Variants in TMPPE observed in about 807,000 individuals in gnomAD.
The protein encoded by TMPPE is transmembrane protein with metallophosphoesterase domain.
A neutral mutation model predicts 22.6 loss-of-function variants in TMPPE; 16 were observed. The ratio of observed to expected loss-of-function variants is 0.71; its 90% confidence interval spans 0.48 to 1.08. The LOEUF (loss-of-function observed/expected upper bound fraction) is 1.08. Ranked by LOEUF, TMPPE falls within the 50% of genes least tolerant of loss-of-function variation. The pLI, the probability that TMPPE is intolerant of heterozygous loss-of-function variation, is 0.00. For synonymous variants in TMPPE, 240 were observed against 245.3 expected, an observed-to-expected ratio of 0.98 and a Z score of 0.20; for missense variants, 526 against 584.3, an observed-to-expected ratio of 0.90 and a Z score of 1.03.
At chr3:33,096,593 G>A (rs1701039612) in intron 1 of TMPPE, 126 bp downstream of exon 1, 1 of 1,037,852 alleles carries the variant, frequency 9.6e-7, no homozygotes, top group Non-Finnish European at 1.2e-6. Flanking sequence ...TTCTCCTTCC[G>A]GAGCGCTCCG....
Position 33,092,015 on chromosome 3 carries a change from C to T in TMPPE, c.*819G>A. 3.0e-6 allele frequency: 3 copies of T among 984,856 alleles called. No individual in the cohort carries two copies. The highest frequency in any genetic ancestry group is 3.6e-6 in the Non-Finnish European group (3 of 829,436). 61.0% of individuals were successfully genotyped at this position (984,856 alleles called of 1,614,324 possible). On this transcript the variant is annotated 3_prime_UTR_variant, in exon 2 of 2. Coordinates refer to ENST00000342462, the MANE Select transcript of TMPPE (RefSeq NM_001039770.3). ...GCCCTATCTCTCTTTGCCTTGGTTT[C>T]CTTATCTCCAAATAGGGAAAAGCAG...
rs1472906018 is a variant in TMPPE at position 33,092,305 on chromosome 3, A to AT, written c.*528dup. 11 of 987,016 alleles carry AT rather than the reference A, an allele frequency of 1.1e-5. No homozygotes were observed. The East Asian group carries it at 1.1e-3, about 102-fold the overall frequency. 61.1% of individuals were successfully genotyped at this position (987,016 alleles called of 1,614,324 possible). ...CCTGATAGAATCAGAGGAAAAGAAAATATTCTTCTCTAGCAGCCAGAGGGC... is the reference window on the plus strand; with the variant it reads ...CCTGATAGAATCAGAGGAAAAGAAAATTATTCTTCTCTAGCAGCCAGAGGGC... On this transcript the variant is annotated 3_prime_UTR_variant, in exon 2 of 2. Transcript: ENST00000342462.
Position 33,093,245 on chromosome 3 carries a change from A to G in TMPPE, c.951T>C (p.Gly317=), listed in dbSNP as rs937514409. ...CATCCTCACTCCCACTGCCACTGCC[A>G]CCACCACCACGTTGGGCCCGTGTGG... ...ISATRAQRGG[G]GSGSGSEDED... The change falls in exon 2 of 2, where the codon GGT becomes GGC. Residue 317 remains glycine (G), a synonymous_variant. Transcript: ENST00000342462. This position sits in a 1 kb window ranked among gnomAD's most constrained non-coding sequence, Gnocchi z 6.0. 1.2e-6 allele frequency: 2 copies of G among 1,613,740 alleles called. No homozygotes were observed. The highest frequency in any genetic ancestry group is 2.7e-5 in the African/African-American group (2 of 74,934).
chr3:33,092,837 G>C lies in TMPPE; in HGVS notation c.1359C>G (p.Pro453=), dbSNP rs778988494. 3 of 1,597,986 alleles carry C rather than the reference G, an allele frequency of 1.9e-6. No homozygotes were observed. The highest frequency in any genetic ancestry group is 2.6e-6 in the Non-Finnish European group (3 of 1,170,912). ...EITELILQRS[P] is the part of the protein sequence containing the mutation. ...AGGTGCACAGGGCAGGGCCAGTTCA[G>C]GGAGACCGCTGCAGGATGAGCTCTG... Residue 453 remains proline, a synonymous_variant, in exon 2 of 2, where the codon CCC becomes CCG. Coordinates refer to ENST00000342462, the MANE Select transcript of TMPPE (RefSeq NM_001039770.3).
At position 33,091,749 on chromosome 3, in the gene TMPPE, A is replaced by G; in HGVS notation, c.*1085T>C. 2 of 985,432 alleles carry G rather than the reference A, an allele frequency of 2.0e-6. No homozygotes were observed. Among genetic ancestry groups the G allele is most frequent in the Non-Finnish European group, 1.2e-6 (1 of 829,948 alleles). The allele number at this position is 985,432 out of a possible 1,614,324, so 61.0% of individuals were successfully genotyped here. On this transcript the variant is annotated 3_prime_UTR_variant, in exon 2 of 2. Coordinates refer to ENST00000342462, the MANE Select transcript of TMPPE (RefSeq NM_001039770.3). ...CAGCAGGGTTAGCCTCTCCAGTCAG[A>G]GCGAGTGTCTTCACTCCCCATTGGA...
rs751963886 is a variant in TMPPE at position 33,093,779 on chromosome 3, C to T, written c.417G>A (p.Glu139=). ...LFFLFILSGM[E]QAYQLLAWRS... ...GCCAGGCCAAGAGCTGGTAGGCCTG[C>T]TCCATGCCGCTGAGGATGAAGAGGA... Residue 139 remains glutamate (E), a synonymous_variant, in exon 2 of 2, where the codon GAG becomes GAA. Transcript: ENST00000342462. The surrounding 1 kb of genome is among the most constrained non-coding windows in gnomAD (Gnocchi z 6.0). 6.2e-7 allele frequency: 1 copy of T among 1,613,312 alleles called. No homozygotes were observed. The highest frequency in any genetic ancestry group is 1.3e-5 in the African/African-American group (1 of 75,004).
intron 1 of TMPPE, 38 bp downstream of exon 1, chr3:33,096,681 C>T (rs1034818357): frequency 2.6e-6 from 3 of 1,153,872 alleles, no homozygotes; most frequent in African/African-American, 1.6e-5. Flanking sequence ...CTTGGAATCC[C>T]CTCCCGGAAA....
chr3:33,091,125 A>G lies in TMPPE; in HGVS notation c.*1709T>C. 1 of 985,454 alleles carries G rather than the reference A, an allele frequency of 1.0e-6. No individual in the cohort carries two copies. Among genetic ancestry groups the G allele is most frequent in the Non-Finnish European group, 1.2e-6 (1 of 829,942 alleles). The allele number at this position is 985,454 out of a possible 1,614,324, so 61.0% of individuals were successfully genotyped here. ...AAGCGAGAACTTAAAGGGAGTAAGG[A>G]TGATTCACAAAATGCGGTCGGGACA... On this transcript the variant is annotated 3_prime_UTR_variant, in exon 2 of 2. Coordinates refer to ENST00000342462, the MANE Select transcript of TMPPE (RefSeq NM_001039770.3).
Position 33,096,715 on chromosome 3 carries a change from G to T in TMPPE, c.-109+4C>A, listed in dbSNP as rs1701045920. On this transcript the variant is annotated splice_donor_region_variant and intron_variant, in intron 1 of 1. Coordinates refer to ENST00000342462, the MANE Select transcript of TMPPE (RefSeq NM_001039770.3). ...AAGCCAACTTAGGAAATGTTTACAC[G>T]CACCTCGTCTCAACACCTCGTTACA... 8.1e-7 allele frequency: 1 copy of T among 1,230,566 alleles called. No homozygotes were observed. The highest frequency in any genetic ancestry group is 1.0e-6 in the Non-Finnish European group (1 of 985,054). The allele number at this position is 1,230,566 out of a possible 1,614,324, so 76.2% of individuals were successfully genotyped here. A position where few individuals can be genotyped will look rare whatever the true frequency, so the allele number is the denominator to read the frequency against.
Position 33,091,013 on chromosome 3 carries a change from T to C in TMPPE, c.*1821A>G. On this transcript the variant is annotated 3_prime_UTR_variant, in exon 2 of 2. Transcript: ENST00000342462. Reference sequence around the variant, plus strand: ...ATGTAAAATCAAGAAACCAGTGAAATAACACGTAACAGGTGAGTCAAACAT... The same window carrying C: ...ATGTAAAATCAAGAAACCAGTGAAACAACACGTAACAGGTGAGTCAAACAT... The C allele has an allele frequency of 1.0e-6, 1 of 985,120 alleles. No individual in the cohort carries two copies. Among genetic ancestry groups the C allele is most frequent in the Non-Finnish European group, 1.2e-6 (1 of 829,852 alleles). The allele number at this position is 985,120 out of a possible 1,614,324, so 61.0% of individuals were successfully genotyped here. A position where few individuals can be genotyped will look rare whatever the true frequency, so the allele number is the denominator to read the frequency against.
Position 33,092,793 on chromosome 3 carries a change from G to A in TMPPE, c.*41C>T, listed in dbSNP as rs751284222. 39 of 1,543,428 alleles carry A rather than the reference G, an allele frequency of 2.5e-5. No homozygotes were observed. The East Asian group carries it at 4.1e-4, about 16-fold the overall frequency. On this transcript the variant is annotated 3_prime_UTR_variant, in exon 2 of 2. Coordinates refer to ENST00000342462, the MANE Select transcript of TMPPE (RefSeq NM_001039770.3). ...CCACTCTGAAGCAGGATGGAGGGTCGAGGACAAGGGCAGGGCAGAGGTGCA... is the reference window on the plus strand; with the variant it reads ...CCACTCTGAAGCAGGATGGAGGGTCAAGGACAAGGGCAGGGCAGAGGTGCA...
chr3:33,095,825 C>T (rs1042128706), intron 1 of TMPPE, among the ~76,000 whole-genome samples: 1 of 152,222 alleles, frequency 6.6e-6, no homozygotes, highest in Non-Finnish European at 1.5e-5. Context: ...GTTCTCACAG[C>T]TGGCTAGCTC....
At chr3:33,094,971 G>A (rs919425701) in intron 1 of TMPPE, among the ~76,000 whole-genome samples, 5 of 152,208 alleles carry the variant, frequency 3.3e-5, no homozygotes, top group Admixed American at 3.3e-4. Flanking sequence ...AGCACTTTGG[G>A]AGGCCGAGGC....
rs758238512 is a variant in TMPPE, at chr3:33,097,000, C to G, written c.-390G>C. On this transcript the variant is annotated 5_prime_UTR_variant, in exon 1 of 2. Coordinates refer to ENST00000342462, the MANE Select transcript of TMPPE (RefSeq NM_001039770.3). ...GCAATGCCTCCCCGTACCCGGGTCC[C>G]GCAGACTTACGCGCAAGCCGCGCGT... 6.2e-7 allele frequency: 1 copy of G among 1,610,980 alleles called. No individual in the cohort carries two copies.
In TMPPE at chr3:33,092,900, G is replaced by A. The variant is rs61740026; in HGVS notation, c.1296C>T (p.Tyr432=). 2,222 of 1,614,102 alleles carry A rather than the reference G, an allele frequency of 1.4e-3. 38 individuals carry two copies. In the African/African-American group the frequency reaches 0.025, roughly 18 times the overall value. ...TGCTACCCAGCCTCATGGGTATCCC[G>A]TAGTAGGCTGTGCCTGGGCTGACAT... The part of the protein sequence containing the change: ...FVYVSPGTAY[Y]GIPMRLGSRA... The change falls in exon 2 of 2, where the codon TAC becomes TAT. Residue 432 remains tyrosine (Y), a synonymous_variant. Transcript: ENST00000342462.
Position 33,092,098 on chromosome 3 carries a change from C to T in TMPPE, c.*736G>A. 1.0e-6 allele frequency: 1 copy of T among 985,452 alleles called. No homozygotes were observed. The highest frequency in any genetic ancestry group is 1.2e-6 in the Non-Finnish European group (1 of 829,980). The allele number at this position is 985,452 out of a possible 1,614,324, so 61.0% of individuals were successfully genotyped here. ...TAAAATGAGACAAGGGAGGCAAAGC[C>T]CTCTGAATTCCTAAGCAGCCATGTT... On this transcript the variant is annotated 3_prime_UTR_variant, in exon 2 of 2. Transcript: ENST00000342462.
chr3:33,097,064 T>A lies in TMPPE; in HGVS notation c.-454A>T. On this transcript the variant is annotated 5_prime_UTR_variant, in exon 1 of 2. Transcript: ENST00000342462. ...AGCAGAACCAGCAACAGAGGGAGGA[T>A]GCGAACCAGGAACCCCGGCATGACC... 6.2e-7 allele frequency: 1 copy of A among 1,612,574 alleles called. No individual in the cohort carries two copies. Among genetic ancestry groups the A allele is most frequent in the South Asian group, 1.1e-5 (1 of 90,942 alleles).
Position 33,093,955 on chromosome 3 carries a change from A to G in TMPPE, c.241T>C (p.Cys81Arg), listed in dbSNP as rs1411137083. The change falls in exon 2 of 2, where the codon TGT becomes CGT. Residue 81 changes from cysteine (C) to arginine (R), a missense_variant. By Grantham distance (180) the Cys-to-Arg change is radical (BLOSUM62 -3). Coordinates refer to ENST00000342462, the MANE Select transcript of TMPPE (RefSeq NM_001039770.3). This position sits in a 1 kb window ranked among gnomAD's most constrained non-coding sequence, Gnocchi z 6.0. The part of the protein sequence containing the change: ...LCHSPAAEST[C>R]FQLWKVVVLA... ...ACCACCACCTTCCAAAGCTGAAAAC[A>G]GGTTGACTCTGCAGCTGGGGAGTGG... 5.0e-6 allele frequency: 8 copies of G among 1,614,080 alleles called. No homozygotes were observed. In the Admixed American group the frequency reaches 1.2e-4, roughly 24 times the overall value.
Position 33,092,246 on chromosome 3 carries a change from A to G in TMPPE, c.*588T>C. The G allele has an allele frequency of 2.0e-6, 2 of 985,758 alleles. No individual in the cohort carries two copies. Among genetic ancestry groups the G allele is most frequent in the Non-Finnish European group, 2.4e-6 (2 of 830,212 alleles). 61.1% of individuals were successfully genotyped at this position (985,758 alleles called of 1,614,324 possible). A position where few individuals can be genotyped will look rare whatever the true frequency, so the allele number is the denominator to read the frequency against. ...TGGAACAGGAGGAGCTTTGCATTCC[A>G]GTAGATTTTGCTGATGCCCTCAATA... On this transcript the variant is annotated 3_prime_UTR_variant, in exon 2 of 2. Transcript: ENST00000342462.
Sources: gnomAD v4.1 joint callset for allele counts (sites outside exome capture counted in the v4.1 genomes callset) on GRCh38, gnomAD v4.1.1 for gene constraint, Gnocchi (gnomAD v3.1) non-coding constraint, MANE v1.5 for transcripts, NCBI Gene and HGNC (gene_info 2026-07-23, HGNC 2026-07-21) for gene names.